Variants in CRACDL observed in about 807,000 individuals in gnomAD.
The protein encoded by CRACDL is CRACD-like protein.
A neutral mutation model predicts 70.6 loss-of-function variants in CRACDL; 26 were observed. That is an observed-to-expected ratio of 0.37 (90% CI 0.27 to 0.51). CRACDL has a LOEUF of 0.51. Among genes scored for constraint, CRACDL ranks in the 20% least tolerant of loss-of-function variants. CRACDL has a pLI of 0.94. For missense variants in CRACDL, 1,283 were observed against 1,376.9 expected, an observed-to-expected ratio of 0.93 and a Z score of 1.08; for synonymous variants, 618 against 615.2, an observed-to-expected ratio of 1.00 and a Z score of -0.07.
At chr2:98,887,770 A>C (rs1707838284) in intron 1 of CRACDL, among the ~76,000 whole-genome samples, 1 of 152,218 alleles carries the variant, frequency 6.6e-6, no homozygotes, top group Non-Finnish European at 1.5e-5. Context: ...GAGAGAAGTG[A>C]CTTATCACAT....
intron 1 of CRACDL, among the ~76,000 whole-genome samples, chr2:98,880,907 C>T (rs1295210055): frequency 1.3e-5 from 2 of 152,226 alleles, no homozygotes; most frequent in South Asian, 2.1e-4. Flanking sequence ...CTTGGCCCCT[C>T]GGCTGCTGTG....
intron 8 of CRACDL, among the ~76,000 whole-genome samples, chr2:98,796,756 T>A (rs1410024999): frequency 1.3e-5 from 2 of 152,206 alleles, no homozygotes; most frequent in Non-Finnish European, 2.9e-5. Flanking sequence ...CACAGATTCA[T>A]CACGGTGCTA....
chr2:98,868,895 C>T (rs750653034), intron 1 of CRACDL, among the ~76,000 whole-genome samples: 1 of 152,164 alleles, frequency 6.6e-6, no homozygotes, highest in Non-Finnish European at 1.5e-5. Flanking sequence ...TTACACAACT[C>T]AAGGAGATAA....
intron 1 of CRACDL, among the ~76,000 whole-genome samples, chr2:98,860,162 A>T (rs12623022): frequency 0.048 from 7,243 of 152,300 alleles, 319 homozygotes; most frequent in South Asian, 0.17. Flanking sequence ...ACATAAATAG[A>T]TGGAAAGATA....
At chr2:98,893,956 G>A (rs1407279054) in intron 1 of CRACDL, among the ~76,000 whole-genome samples, 6 of 152,166 alleles carry the variant, frequency 3.9e-5, no homozygotes, top group Admixed American at 3.9e-4. Context: ...CTGGGCATGG[G>A]CGTGGGCATC....
At chr2:98,915,561 G>T (rs1708644195) in intron 1 of CRACDL, among the ~76,000 whole-genome samples, 1 of 152,138 alleles carries the variant, frequency 6.6e-6, no homozygotes, top group South Asian at 2.1e-4. Flanking sequence ...ATCACAGAGG[G>T]ACAGCCATCA....
rs138282738 is a variant in CRACDL, at chr2:98,858,590, G to T, written c.-10-11780C>A. Among the ~76,000 whole-genome samples, 348 of 148,256 alleles carry T rather than the reference G, an allele frequency of 2.3e-3. 5 individuals are homozygous for T. Among genetic ancestry groups the T allele is most frequent in the East Asian group, 2.4e-3 (12 of 5,084 alleles). On this transcript the variant is annotated intron_variant, in intron 1 of 9. Coordinates refer to ENST00000397899, the MANE Select transcript of CRACDL (RefSeq NM_207362.3). ...TTTCCACTATATAAAACTAGAAAAA[G>T]AAGGGCAATCTAAACTGAAAACAAA...
At chr2:98,803,755 T>G (rs1246019724) in intron 7 of CRACDL, among the ~76,000 whole-genome samples, 1 of 152,200 alleles carries the variant, frequency 6.6e-6, no homozygotes, top group Non-Finnish European at 1.5e-5. Context: ...TCATCGCCAT[T>G]TCTCACAGCC....
chr2:98,912,298 G>A (rs1708562956), intron 1 of CRACDL, among the ~76,000 whole-genome samples: 1 of 152,262 alleles, frequency 6.6e-6, no homozygotes, highest in South Asian at 2.1e-4. Flanking sequence ...TGCATTGTCT[G>A]GTACTGGCTC....
chr2:98,878,547 C>A (rs1707549732), intron 1 of CRACDL, among the ~76,000 whole-genome samples: 1 of 152,214 alleles, frequency 6.6e-6, no homozygotes, highest in Non-Finnish European at 1.5e-5. Flanking sequence ...TTTCTCAGAA[C>A]ATGTTCCTGC....
intron 1 of CRACDL, among the ~76,000 whole-genome samples, chr2:98,898,110 C>T (rs1355943259): frequency 2.0e-5 from 3 of 152,238 alleles, no homozygotes; most frequent in Non-Finnish European, 2.9e-5. Flanking sequence ...ATATTAGGCT[C>T]TAGCAACTCT....
chr2:98,926,350 C>T (rs1370513429), intron 1 of CRACDL, among the ~76,000 whole-genome samples: 1 of 141,420 alleles, frequency 7.1e-6, no homozygotes, highest in Non-Finnish European at 1.5e-5. Flanking sequence ...GGAAGGCTGT[C>T]CACTCCACCT....
At chr2:98,899,232 T>C (rs982909242) in intron 1 of CRACDL, among the ~76,000 whole-genome samples, 2 of 152,204 alleles carry the variant, frequency 1.3e-5, no homozygotes, top group Non-Finnish European at 2.9e-5. Flanking sequence ...TCTGCCAGCC[T>C]GCGGGCCGCT....
intron 1 of CRACDL, among the ~76,000 whole-genome samples, chr2:98,882,923 C>A (rs1707697321): frequency 1.3e-5 from 2 of 152,150 alleles, no homozygotes; most frequent in Admixed American, 1.3e-4. Flanking sequence ...GAGGGATGAC[C>A]CCTTTGTATC....
intron 1 of CRACDL, among the ~76,000 whole-genome samples, chr2:98,911,414 G>C (rs1263577611): frequency 6.6e-6 from 1 of 152,182 alleles, no homozygotes; most frequent in Non-Finnish European, 1.5e-5. Context: ...CACATGCCAC[G>C]GATTACATCA....
At chr2:98,894,068 C>T (rs1185979151) in intron 1 of CRACDL, among the ~76,000 whole-genome samples, 1 of 152,122 alleles carries the variant, frequency 6.6e-6, no homozygotes, top group Non-Finnish European at 1.5e-5. Flanking sequence ...TCAGCTACTC[C>T]GTGCCTGCAC....
rs201196594 is a variant in CRACDL at position 98,797,403 on chromosome 2, G to A, written c.2551C>T (p.Arg851Trp). Residue 851 changes from arginine to tryptophan, a missense_variant, in exon 8 of 10, where the codon CGG (arginine) becomes TGG (tryptophan). Arg to Trp is a moderately radical substitution (Grantham distance 101). Transcript: ENST00000397899. ...PPNQEDKPGA[R>W]TLKSEPGKQA... is the part of the protein sequence containing the mutation. ...TTTCCTGGTTCAGACTTCAGGGTCC[G>A]TGCCCCAGGCTTGTCTTCCTGGTTG... The A allele has an allele frequency of 8.7e-5, 140 of 1,614,184 alleles. 3 individuals carry two copies. The highest frequency in any genetic ancestry group is 6.7e-4 in the Admixed American group (40 of 60,032).
At chr2:98,832,230 GT>G (rs1705571807) in intron 5 of CRACDL, 117 bp downstream of exon 5, 2 of 1,054,092 alleles carry the variant, frequency 1.9e-6, no homozygotes, top group South Asian at 2.6e-5. Context: ...CAGTGACCCA[GT>G]TGGCCACACC....
At chr2:98,913,559 A>G (rs1573191947) in intron 1 of CRACDL, among the ~76,000 whole-genome samples, 1 of 152,064 alleles carries the variant, frequency 6.6e-6, no homozygotes, top group African/African-American at 2.4e-5. Flanking sequence ...GCTGGCTGGG[A>G]GGAGATAGAT....
Sources: gnomAD v4.1 joint callset for allele counts (sites outside exome capture counted in the v4.1 genomes callset) on GRCh38, gnomAD v4.1.1 for gene constraint, MANE v1.5 for transcripts, NCBI Gene and HGNC (gene_info 2026-07-23, HGNC 2026-07-21) for gene names.